EYS: variants seen among roughly 807,000 people sequenced by gnomAD.
EYS encodes EGF-like photoreceptor maintenance factor.
In EYS, 250 loss-of-function variants were observed where a neutral mutation model predicts 282.1. The ratio of observed to expected loss-of-function variants is 0.89; its 90% confidence interval spans 0.80 to 0.98. EYS has a LOEUF of 0.98. Among genes scored for constraint, EYS ranks in the 50% least tolerant of loss-of-function variants. The probability of loss-of-function intolerance (pLI) is 0.00; values close to 1 mark genes in which losing one functional copy is unlikely to be tolerated. For missense variants in EYS, 4,016 were observed against 3,709.0 expected (o/e 1.08, Z -2.15); for synonymous variants, 1,355 against 1,282.9 (o/e 1.06, Z -1.20).
chr6:64,880,564 T>C (rs13218822), intron 19 of EYS, among the ~76,000 whole-genome samples: 9,583 of 151,626 alleles, frequency 0.063, 409 homozygotes, highest in African/African-American at 0.12. Context: ...ATAGGCATCT[T>C]GAACCCAAAC....
chr6:64,353,092 A>C (rs565914487), intron 29 of EYS, among the ~76,000 whole-genome samples: 3 of 151,534 alleles, frequency 2.0e-5, no homozygotes, highest in African/African-American at 7.3e-5. Flanking sequence ...CACACACAAA[A>C]TAATTATAAT....
chr6:65,201,635 A>G (rs1316787685), intron 12 of EYS, among the ~76,000 whole-genome samples: 1 of 152,216 alleles, frequency 6.6e-6, no homozygotes, highest in African/African-American at 2.4e-5. Context: ...AGTGTGAGCT[A>G]TCTAAAATAT....
At chr6:65,408,518 G>C (rs1350790782) in intron 5 of EYS, among the ~76,000 whole-genome samples, 1 of 151,958 alleles carries the variant, frequency 6.6e-6, no homozygotes, top group African/African-American at 2.4e-5. Context: ...GCCTAATGTT[G>C]TTCATAATAT....
intron 30 of EYS, among the ~76,000 whole-genome samples, chr6:64,298,350 T>A (rs1013772968): frequency 3.9e-5 from 3 of 77,916 alleles, no homozygotes; most frequent in Non-Finnish European, 6.0e-5. Context: ...AAATTACTAG[T>A]TGGGGGGGGC....
intron 36 of EYS, among the ~76,000 whole-genome samples, chr6:63,842,932 T>C (rs1771999447): frequency 6.6e-6 from 1 of 152,236 alleles, no homozygotes; most frequent in Admixed American, 6.5e-5. Flanking sequence ...TGTGGTGTTA[T>C]GTCTGAGGAC....
chr6:64,627,627 T>A (rs1408174792), intron 22 of EYS, among the ~76,000 whole-genome samples: 4 of 152,208 alleles, frequency 2.6e-5, no homozygotes, highest in East Asian at 1.9e-4. Flanking sequence ...CATACACAGT[T>A]ACTTAGGTGA....
intron 2 of EYS, among the ~76,000 whole-genome samples, chr6:65,512,522 T>C (rs1766934531): frequency 6.7e-6 from 1 of 149,186 alleles, no homozygotes; most frequent in Non-Finnish European, 1.5e-5. Context: ...AATTACATTG[T>C]AAAGTAATTT....
chr6:65,341,551 T>C (rs1263018933), intron 10 of EYS, among the ~76,000 whole-genome samples: 1 of 151,262 alleles, frequency 6.6e-6, no homozygotes, highest in African/African-American at 2.4e-5. Context: ...GTATATCTAA[T>C]AGAGAGATTA....
At chr6:64,743,538 G>A (rs956559932) in intron 22 of EYS, among the ~76,000 whole-genome samples, 1 of 151,948 alleles carries the variant, frequency 6.6e-6, no homozygotes, top group African/African-American at 2.4e-5. Context: ...TTCACAGAAT[G>A]GTCCATGAAA....
chr6:64,825,893 C>G (rs1313131522), intron 19 of EYS, among the ~76,000 whole-genome samples: 4 of 147,588 alleles, frequency 2.7e-5, no homozygotes, highest in African/African-American at 1.0e-4. Flanking sequence ...GAGAGATATT[C>G]ATAAAGTGCA....
intron 31 of EYS, among the ~76,000 whole-genome samples, chr6:64,213,062 G>A (rs540090654): frequency 6.6e-6 from 1 of 152,026 alleles, no homozygotes; most frequent in South Asian, 2.1e-4. Context: ...ACATAGAGGG[G>A]AAAAACACAC....
intron 31 of EYS, among the ~76,000 whole-genome samples, chr6:64,091,487 T>C (rs1371904196): frequency 6.6e-6 from 1 of 152,146 alleles, no homozygotes; most frequent in East Asian, 1.9e-4. Flanking sequence ...ACATGAGTAA[T>C]ATTTTGCAAA....
chr6:64,036,918 A>G (rs2149834261), intron 33 of EYS, among the ~76,000 whole-genome samples: 1 of 152,306 alleles, frequency 6.6e-6, no homozygotes, highest in South Asian at 2.1e-4. Flanking sequence ...TCCAATGCAC[A>G]TGATTTCAAC....
At chr6:65,070,792 G>A (rs1773881513) in intron 12 of EYS, among the ~76,000 whole-genome samples, 1 of 151,688 alleles carries the variant, frequency 6.6e-6, no homozygotes, top group Non-Finnish European at 1.5e-5. Flanking sequence ...TTACTGGTCT[G>A]TATCTCCCAC....
At chr6:64,296,398 T>C (rs1376731309) in intron 30 of EYS, among the ~76,000 whole-genome samples, 1 of 150,168 alleles carries the variant, frequency 6.7e-6, no homozygotes, top group African/African-American at 2.5e-5. Flanking sequence ...AAAGTAAAAC[T>C]GTTTTTCATA....
intron 35 of EYS, among the ~76,000 whole-genome samples, chr6:63,984,077 A>G (rs1043547970): frequency 9.9e-5 from 15 of 151,782 alleles, no homozygotes; most frequent in African/African-American, 3.4e-4. Flanking sequence ...CCTCTCATTC[A>G]TATTTACAAG....
At position 65,607,102 on chromosome 6, in the gene EYS, T is replaced by C. The variant is rs146217114; in HGVS notation, c.-333+32676A>G. 1.3e-3 allele frequency among the ~76,000 whole-genome samples: 204 copies of C among 151,968 alleles called. 1 individual carries two copies. Among genetic ancestry groups the C allele is most frequent in the Middle Eastern group, 3.4e-3 (1 of 294 alleles). On this transcript the variant is annotated intron_variant, in intron 2 of 42. Transcript: ENST00000503581. ...ATATTGTGATAATTTCTTGTGAAACTTTTGAAGTTAATGTTTTGAGGGAAC... is the reference window on the plus strand; with the variant it reads ...ATATTGTGATAATTTCTTGTGAAACCTTTGAAGTTAATGTTTTGAGGGAAC...
chr6:65,216,648 T>G (rs1766321525), intron 12 of EYS, among the ~76,000 whole-genome samples: 1 of 151,852 alleles, frequency 6.6e-6, no homozygotes. Context: ...GGAAAAACCT[T>G]TATGAAGTTT....
intron 1 of EYS, among the ~76,000 whole-genome samples, chr6:65,704,197 G>A (rs1769786731): frequency 6.6e-6 from 1 of 152,126 alleles, no homozygotes; most frequent in Non-Finnish European, 1.5e-5. Flanking sequence ...TCCTTAATAT[G>A]TATTGAGTTC....
Sources: allele counts gnomAD v4.1 joint callset (sites outside exome capture counted in the v4.1 genomes callset), GRCh38; gene constraint gnomAD v4.1.1; transcripts MANE v1.5; gene names NCBI Gene and HGNC (gene_info 2026-07-23, HGNC 2026-07-21).